The following ELMO1 variants were observed in gnomAD, a reference collection of about 807,000 sequenced individuals.
The protein encoded by ELMO1 is engulfment and cell motility protein 1.
ELMO1 carries 26 observed loss-of-function variants against 98.9 expected under a neutral mutation model. The ratio of observed to expected loss-of-function variants is 0.26; its 90% CI spans 0.19 to 0.36. The LOEUF (loss-of-function observed/expected upper bound fraction) is 0.36, where lower values mean the gene tolerates loss of function less well. Among genes scored for constraint, ELMO1 ranks in the 10% least tolerant of loss-of-function variants. The pLI, the probability that ELMO1 is intolerant of heterozygous loss-of-function variation, is 1.00. For synonymous variants in ELMO1, 346 were observed against 346.0 expected, an observed-to-expected ratio of 1.00 and a Z score of 0.00; for missense variants, 627 against 935.2, an observed-to-expected ratio of 0.67 and a Z score of 4.30.
At chr7:36,948,812 C>G (rs189225809) in intron 16 of ELMO1, among the ~76,000 whole-genome samples, 5 of 152,248 alleles carry the variant, frequency 3.3e-5, no homozygotes, top group African/African-American at 1.2e-4. Context: ...TACGGCAGAG[C>G]CTCTAGGATA....
chr7:36,899,589 C>T (rs573999882), intron 16 of ELMO1, among the ~76,000 whole-genome samples: 32 of 151,488 alleles, frequency 2.1e-4, no homozygotes, highest in African/African-American at 5.6e-4. Context: ...GAACCCAACA[C>T]GTGATTTTGA....
chr7:37,164,141 G>C (rs546618236), intron 13 of ELMO1, among the ~76,000 whole-genome samples: 36 of 152,280 alleles, frequency 2.4e-4, no homozygotes, highest in African/African-American at 8.2e-4. Context: ...GTCTTCTTTT[G>C]AGAAGTGTCT....
At chr7:36,908,698 T>A (rs1784136142) in intron 16 of ELMO1, among the ~76,000 whole-genome samples, 1 of 152,230 alleles carries the variant, frequency 6.6e-6, no homozygotes, top group South Asian at 2.1e-4. Context: ...AGAGCGTACA[T>A]CTTATGTTGG....
At chr7:37,076,734 G>A (rs1435041899) in intron 15 of ELMO1, among the ~76,000 whole-genome samples, 2 of 152,166 alleles carry the variant, frequency 1.3e-5, no homozygotes, top group Non-Finnish European at 2.9e-5. Context: ...CCATCTGCTG[G>A]TTTCTCACCT....
intron 4 of ELMO1, among the ~76,000 whole-genome samples, chr7:37,276,393 G>C (rs549187072): frequency 1.3e-5 from 2 of 152,298 alleles, no homozygotes; most frequent in South Asian, 4.1e-4. Context: ...CAGATCACGA[G>C]GTCAGGAGAT....
chr7:37,113,281 T>C (rs545114403), intron 14 of ELMO1, among the ~76,000 whole-genome samples: 2 of 152,236 alleles, frequency 1.3e-5, no homozygotes, highest in Non-Finnish European at 2.9e-5. Flanking sequence ...CTGTCTTCTG[T>C]GTGCCTGGCA....
At chr7:37,211,180 T>C in intron 13 of ELMO1, 1 of 638,420 alleles carries the variant, frequency 1.6e-6, no homozygotes, top group Non-Finnish European at 2.6e-6. Flanking sequence ...GCAGTATTAG[T>C]CACACTTGTG....
chr7:37,125,755 G>T (rs568296881), intron 14 of ELMO1, among the ~76,000 whole-genome samples: 3 of 152,222 alleles, frequency 2.0e-5, no homozygotes, highest in African/African-American at 7.2e-5. Context: ...CTCAAGAATC[G>T]AGAACTAGAA....
At chr7:36,993,208 T>C (rs1050576214) in intron 16 of ELMO1, among the ~76,000 whole-genome samples, 2 of 152,088 alleles carry the variant, frequency 1.3e-5, no homozygotes, top group East Asian at 1.9e-4. Context: ...GAGCCAGATA[T>C]GGAACCACAG....
chr7:37,075,786 T>C (rs1204528836), intron 15 of ELMO1, among the ~76,000 whole-genome samples: 1 of 152,198 alleles, frequency 6.6e-6, no homozygotes, highest in African/African-American at 2.4e-5. Context: ...AGGAATTGCA[T>C]GGTGACAGAT....
chr7:36,965,853 G>A (rs1053176862), intron 16 of ELMO1, among the ~76,000 whole-genome samples: 1 of 152,082 alleles, frequency 6.6e-6, no homozygotes, highest in African/African-American at 2.4e-5. Flanking sequence ...ATCTTAATTG[G>A]AAGCAAGCAT....
chr7:37,399,504 G>A (rs910027823), intron 1 of ELMO1, among the ~76,000 whole-genome samples: 4 of 152,194 alleles, frequency 2.6e-5, no homozygotes, highest in South Asian at 2.1e-4. Flanking sequence ...CCCAGCACAC[G>A]CAGGGTGGGG....
intron 1 of ELMO1, among the ~76,000 whole-genome samples, chr7:37,423,155 G>T (rs1804552816): frequency 6.6e-6 from 1 of 152,206 alleles, no homozygotes; most frequent in South Asian, 2.1e-4. Context: ...GAAAAACATG[G>T]CACAATTTCC....
intron 1 of ELMO1, among the ~76,000 whole-genome samples, chr7:37,384,050 C>T (rs1562656059): frequency 6.6e-6 from 1 of 152,138 alleles, no homozygotes; most frequent in Non-Finnish European, 1.5e-5. Context: ...CTCCTGACCT[C>T]GTGATCCACC....
rs115338853 is a variant in ELMO1, at chr7:37,394,437, G to A, written c.-73-51674C>T. On this transcript the variant is annotated intron_variant, in intron 1 of 21. Transcript: ENST00000310758. ...ACGGTCAGCAAGAGCCTACACCTGG[G>A]CTGATAAGAAACAGGAATCTCTGAA... 3.6e-3 allele frequency among the ~76,000 whole-genome samples: 544 copies of A among 152,294 alleles called. 3 individuals are homozygous for A. Among genetic ancestry groups the A allele is most frequent in the African/African-American group, 0.013 (523 of 41,552 alleles).
intron 20 of ELMO1, chr7:36,862,226 A>G (rs189198903): frequency 6.0e-6 from 1 of 165,750 alleles, no homozygotes; most frequent in Non-Finnish European, 1.3e-5. Context: ...CAGAGGTATG[A>G]ATTCCCTAAA....
At chr7:37,163,909 C>T (rs191637740) in intron 13 of ELMO1, among the ~76,000 whole-genome samples, 176 of 152,310 alleles carry the variant, frequency 1.2e-3, no homozygotes, top group African/African-American at 3.8e-3. Context: ...TGAAGAATCG[C>T]CACACTGACT....
chr7:37,316,002 C>A, intron 2 of ELMO1, 42 bp from the exon 3 acceptor site: 1 of 1,409,782 alleles, frequency 7.1e-7, no homozygotes, highest in African/African-American at 1.4e-5. Flanking sequence ...AGTTTCGTTT[C>A]ATCATTTTAA....
intron 15 of ELMO1, among the ~76,000 whole-genome samples, chr7:37,026,410 T>A (rs562418799): frequency 8.5e-5 from 13 of 152,292 alleles, no homozygotes; most frequent in African/African-American, 3.1e-4. Flanking sequence ...AATTTAAGGA[T>A]AAATGCCAAG....
Sources: gnomAD v4.1 joint callset for allele counts (sites outside exome capture counted in the v4.1 genomes callset) on GRCh38, gnomAD v4.1.1 for gene constraint, MANE v1.5 for transcripts, NCBI Gene and HGNC (gene_info 2026-07-23, HGNC 2026-07-21) for gene names.